Variants in TBC1D12 observed in about 807,000 individuals in gnomAD.
TBC1D12 encodes the protein TBC1 domain family, member 12.
TBC1D12 carries 56 observed loss-of-function variants against 86.7 expected under a neutral mutation model. That is an observed-to-expected ratio of 0.65 (90% CI 0.52 to 0.81). TBC1D12 has a LOEUF of 0.81. TBC1D12 is among the 30% of genes least tolerant of loss of function. TBC1D12 has a pLI of 0.00. For synonymous variants in TBC1D12, 421 were observed against 411.7 expected (o/e 1.02, Z -0.27); for missense variants, 1,023 against 1,038.8 (o/e 0.98, Z 0.21).
At chr10:94,516,422 T>G (rs964148979) in intron 9 of TBC1D12, among the ~76,000 whole-genome samples, 1 of 151,996 alleles carries the variant, frequency 6.6e-6, no homozygotes, top group Admixed American at 6.6e-5. Flanking sequence ...ACTTTTTTTG[T>G]TTTTTTTAAA....
rs908778494 is a variant in TBC1D12 at position 94,536,255 on chromosome 10, ATTTG to A, written c.*3165_*3168del. 6.6e-6 allele frequency among the ~76,000 whole-genome samples: 1 copy of A among 151,966 alleles called. No homozygotes were observed. Among genetic ancestry groups the A allele is most frequent in the African/African-American group, 2.4e-5 (1 of 41,384 alleles). ...AATGTGAAATTTAATATGGTGTTTC[ATTTG>A]TTTGTCTACTCAATATATATATTTC... On this transcript the variant is annotated 3_prime_UTR_variant, in exon 13 of 13. Transcript: ENST00000225235.
At chr10:94,462,948 T>A (rs192684669) in intron 2 of TBC1D12, among the ~76,000 whole-genome samples, 74 of 152,314 alleles carry the variant, frequency 4.9e-4, no homozygotes, top group African/African-American at 1.7e-3. Context: ...TTGCTTTGGA[T>A]GTATTTTGCT....
At chr10:94,488,386 CTTTTTTTT>C (rs770258959) in intron 3 of TBC1D12, among the ~76,000 whole-genome samples, 1 of 74,794 alleles carries the variant, frequency 1.3e-5, no homozygotes, top group Admixed American at 1.5e-4. Flanking sequence ...CCCAAGGGGT[CTTTTTTTT>C]TTTTTTTTTT....
Position 94,413,378 on chromosome 10 carries a change from C to T in TBC1D12, c.971+9794C>T, listed in dbSNP as rs142229695. 2.8e-3 allele frequency among the ~76,000 whole-genome samples: 429 copies of T among 152,280 alleles called. 1 individual carries two copies. Among genetic ancestry groups the T allele is most frequent in the African/African-American group, 1.0e-2 (415 of 41,564 alleles). On this transcript the variant is annotated intron_variant, in intron 1 of 12. Transcript: ENST00000225235. ...TTGTAAGATTTTCCTCAGGTCTACT[C>T]AGTTTGTTGGCATACCTTTACCTTT...
chr10:94,536,206 A>G lies in TBC1D12; in HGVS notation c.*3110A>G, dbSNP rs899527072. On this transcript the variant is annotated 3_prime_UTR_variant, in exon 13 of 13. Transcript: ENST00000225235. ...TACAGTATATTTTCAATTAAAAAAA[A>G]ACTTTTCCTAAAATACTCAAAATAA... 2.0e-5 allele frequency among the ~76,000 whole-genome samples: 3 copies of G among 152,082 alleles called. No individual in the cohort carries two copies. The East Asian group carries it at 5.8e-4, about 29-fold the overall frequency.
chr10:94,511,095 C>CTTTTTTTTTT, intron 8 of TBC1D12, among the ~76,000 whole-genome samples: 1 of 66,830 alleles, frequency 1.5e-5, no homozygotes, highest in Non-Finnish European at 2.7e-5. Flanking sequence ...GTAAATATTT[C>CTTTTTTTTTT]TTTTTTTTTT....
chr10:94,430,103 C>G (rs547879425), intron 1 of TBC1D12, among the ~76,000 whole-genome samples: 1 of 152,256 alleles, frequency 6.6e-6, no homozygotes, highest in African/African-American at 2.4e-5. Flanking sequence ...GTTGTCCAGT[C>G]TGGCCTCGAA....
intron 12 of TBC1D12, among the ~76,000 whole-genome samples, chr10:94,532,609 G>T (rs889393595): frequency 2.2e-4 from 33 of 152,268 alleles, no homozygotes; most frequent in Middle Eastern, 3.4e-3. Flanking sequence ...AATACCTACT[G>T]TGTACTAGGG....
At position 94,497,186 on chromosome 10, in the gene TBC1D12, C is replaced by A; in HGVS notation, c.1412+14C>A. The stretch of plus-strand genomic sequence containing the variant: ...TTGGGAAGTAATGTAAGTAAGCAGA[C>A]TTTTCCTAAATTCCCATTTGTCTCC... On this transcript the variant is annotated intron_variant, in intron 5 of 12. Coordinates refer to ENST00000225235, the MANE Select transcript of TBC1D12 (RefSeq NM_015188.2). 1 of 1,432,386 alleles carries A rather than the reference C, an allele frequency of 7.0e-7. No individual in the cohort carries two copies. Among genetic ancestry groups the A allele is most frequent in the Non-Finnish European group, 9.4e-7 (1 of 1,068,334 alleles). 88.7% of individuals were successfully genotyped at this position (1,432,386 alleles called of 1,614,324 possible).
In TBC1D12 at chr10:94,487,425, A is replaced by G. The variant is rs1272662032; in HGVS notation, c.1212-5940A>G. On this transcript the variant is annotated intron_variant, in intron 3 of 12. Coordinates refer to ENST00000225235, the MANE Select transcript of TBC1D12 (RefSeq NM_015188.2). ...TCCAGTCTTTCTTTTAGTGAAAGTG[A>G]TTTTTTTTTTGGTGGTATGATTTAA... Among the ~76,000 whole-genome samples the G allele has an allele frequency of 4.2e-5, 6 of 142,416 alleles. 1 individual carries two copies. Among genetic ancestry groups the G allele is most frequent in the Admixed American group, 4.2e-4 (6 of 14,338 alleles). The allele number at this position is 142,416 out of a possible 152,430, so 93.4% of individuals were successfully genotyped here. A position where few individuals can be genotyped will look rare whatever the true frequency, so the allele number is the denominator to read the frequency against.
chr10:94,419,446 G>A (rs112089601), intron 1 of TBC1D12, among the ~76,000 whole-genome samples: 195 of 152,246 alleles, frequency 1.3e-3, no homozygotes, highest in African/African-American at 4.5e-3. Flanking sequence ...AAGCCCAGGT[G>A]GGTGGATCAT....
At chr10:94,419,751 A>T (rs2055050270) in intron 1 of TBC1D12, among the ~76,000 whole-genome samples, 1 of 152,220 alleles carries the variant, frequency 6.6e-6, no homozygotes, top group African/African-American at 2.4e-5. Context: ...TATTTTGTTT[A>T]AAAAGCCTTA....
At chr10:94,492,679 AAG>A (rs940408311) in intron 3 of TBC1D12, among the ~76,000 whole-genome samples, 1 of 151,764 alleles carries the variant, frequency 6.6e-6, no homozygotes, top group African/African-American at 2.4e-5. Flanking sequence ...AGCCAGACAC[AAG>A]AGTCTATAAA....
chr10:94,517,104 G>A (rs1169068675), intron 9 of TBC1D12, among the ~76,000 whole-genome samples: 1 of 152,104 alleles, frequency 6.6e-6, no homozygotes, highest in Non-Finnish European at 1.5e-5. Flanking sequence ...CAGGCTGCGT[G>A]CGGTGGCTCA....
chr10:94,402,979 G>T lies in TBC1D12; in HGVS notation c.366G>T (p.Val122=). 1 of 1,575,924 alleles carries T rather than the reference G, an allele frequency of 6.3e-7. No individual in the cohort carries two copies. Residue 122 remains valine, a synonymous_variant, in exon 1 of 13, where the codon GTG becomes GTT. Transcript: ENST00000225235. The part of the protein sequence containing the change: ...GSGSKHRGAE[V]ADGRAPRHEG... ...GCTCCAAACACCGCGGCGCGGAGGTGGCTGATGGCCGCGCGCCGCGGCACG... is the reference window on the plus strand; with the variant it reads ...GCTCCAAACACCGCGGCGCGGAGGTTGCTGATGGCCGCGCGCCGCGGCACG...
intron 1 of TBC1D12, among the ~76,000 whole-genome samples, chr10:94,433,159 T>C (rs2055242037): frequency 6.6e-6 from 1 of 152,038 alleles, no homozygotes; most frequent in African/African-American, 2.4e-5. Context: ...GAGCCAATAT[T>C]GTGCCACTCC....
At position 94,488,637 on chromosome 10, in the gene TBC1D12, C is replaced by T. The variant is rs562111740; in HGVS notation, c.1212-4728C>T. On this transcript the variant is annotated intron_variant, in intron 3 of 12. Transcript: ENST00000225235. ...GAACTCCTGACCTCAAGTGATTTGC[C>T]CGCTTCCACCTTCCAAAGTGCTGGG... is the stretch of plus-strand genomic sequence containing the variant. Among the ~76,000 whole-genome samples, 425 of 151,678 alleles carry T rather than the reference C, an allele frequency of 2.8e-3. 3 individuals carry two copies. Among genetic ancestry groups the T allele is most frequent in the Non-Finnish European group, 4.7e-3 (321 of 67,892 alleles).
chr10:94,520,730 G>T (rs1274808368), intron 9 of TBC1D12, among the ~76,000 whole-genome samples: 6 of 151,756 alleles, frequency 4.0e-5, no homozygotes, highest in Admixed American at 3.9e-4. Flanking sequence ...CGCAATCTTG[G>T]CTTACTGCAA....
intron 3 of TBC1D12, among the ~76,000 whole-genome samples, chr10:94,480,826 A>G (rs1384688240): frequency 6.6e-6 from 1 of 151,228 alleles, no homozygotes; most frequent in Non-Finnish European, 1.5e-5. Flanking sequence ...GTAGTGAGCC[A>G]TGATCACGCC....
Sources: gnomAD v4.1 joint callset for allele counts (sites outside exome capture counted in the v4.1 genomes callset) on GRCh38, gnomAD v4.1.1 for gene constraint, MANE v1.5 for transcripts, NCBI Gene and HGNC (gene_info 2026-07-23, HGNC 2026-07-21) for gene names.